The following PDE10A variants were observed in gnomAD, a reference collection of about 807,000 sequenced individuals.
The protein encoded by PDE10A is phosphodiesterase 10A, also known as cAMP and cAMP-inhibited cGMP 3',5'-cyclic phosphodiesterase 10A.
Under a neutral mutation model 97.7 loss-of-function variants are expected in PDE10A, and 39 were observed. The observed-to-expected ratio is 0.40, with a 90% CI of 0.31 to 0.52. The LOEUF (loss-of-function observed/expected upper bound fraction) is 0.52, where lower values mean the gene tolerates loss of function less well. Among genes scored for constraint, PDE10A ranks in the 20% least tolerant of loss-of-function variants. PDE10A has a pLI of 0.56. For synonymous variants in PDE10A, 371 were observed against 376.8 expected (o/e 0.98, Z 0.18); for missense variants, 731 against 1,047.8 (o/e 0.70, Z 4.17).
intron 1 of PDE10A, among the ~76,000 whole-genome samples, chr6:165,725,348 C>G (rs111493088): frequency 0.01 from 1,567 of 152,346 alleles, 27 homozygotes; most frequent in African/African-American, 0.036. Context: ...TAACACACAC[C>G]CACTAGGGCT....
intron 3 of PDE10A, among the ~76,000 whole-genome samples, chr6:165,457,857 G>A (rs1273053861): frequency 1.3e-5 from 2 of 152,190 alleles, no homozygotes; most frequent in Non-Finnish European, 2.9e-5. Flanking sequence ...AAATGAATTA[G>A]TTATGTAAAC....
At chr6:165,494,111 CAAT>C (rs1780384220) in intron 2 of PDE10A, among the ~76,000 whole-genome samples, 2 of 152,124 alleles carry the variant, frequency 1.3e-5, no homozygotes, top group South Asian at 4.1e-4. Context: ...ATCAAAACCA[CAAT>C]GAGATGCCAC....
intron 13 of PDE10A, among the ~76,000 whole-genome samples, chr6:165,402,150 C>A (rs1189973270): frequency 6.6e-6 from 1 of 152,086 alleles, no homozygotes; most frequent in African/African-American, 2.4e-5. Flanking sequence ...AAAACTTCTA[C>A]AAGATAGTTA....
At chr6:165,879,981 TCCATTATGATCCATGAAGC>T (rs1447753049) in intron 1 of PDE10A, among the ~76,000 whole-genome samples, 1 of 151,916 alleles carries the variant, frequency 6.6e-6, no homozygotes, top group East Asian at 1.9e-4. Context: ...CAAACTTGTC[TCCATTATGATCCATGAAGC>T]CCATAAAAAC....
In PDE10A at chr6:165,683,545, C is replaced by G. The variant is rs376428111; in HGVS notation, c.-614-139977G>C. Among the ~76,000 whole-genome samples, 4 of 152,266 alleles carry G rather than the reference C, an allele frequency of 2.6e-5. No homozygotes were observed. In the East Asian group the frequency reaches 5.8e-4, roughly 22 times the overall value. ...ATCTGGGATGTGTTTCATTTGAGAT[C>G]TTGGTGAGGTCATTTTTGTTCCAAA... is the stretch of plus-strand genomic sequence containing the variant. On this transcript the variant is annotated intron_variant, in intron 1 of 19. Transcript: ENST00000366882.
chr6:165,759,634 T>A (rs924036060), intron 1 of PDE10A, among the ~76,000 whole-genome samples: 1 of 152,222 alleles, frequency 6.6e-6, no homozygotes, highest in Non-Finnish European at 1.5e-5. Context: ...AATAACCTCA[T>A]TGGTAGATTT....
At chr6:165,947,799 A>G (rs1432486962) in intron 1 of PDE10A, among the ~76,000 whole-genome samples, 3 of 152,116 alleles carry the variant, frequency 2.0e-5, no homozygotes, top group African/African-American at 7.2e-5. Context: ...GCACAATCGT[A>G]TGGGTTTTTG....
chr6:165,412,595 G>A (rs1276214130), intron 13 of PDE10A, among the ~76,000 whole-genome samples: 2 of 152,116 alleles, frequency 1.3e-5, no homozygotes, highest in East Asian at 1.9e-4. Flanking sequence ...GAGGAGAGAG[G>A]ACGGGTACTC....
At chr6:165,883,552 A>G (rs573407089) in intron 1 of PDE10A, among the ~76,000 whole-genome samples, 1 of 68,276 alleles carries the variant, frequency 1.5e-5, no homozygotes, top group African/African-American at 4.8e-5. Flanking sequence ...AAAAAAAAAA[A>G]ATAAATAAAA....
rs115938088 is a variant in PDE10A, at chr6:165,976,867, C to T, written c.-615+10662G>A. Among the ~76,000 whole-genome samples, 1,496 of 152,284 alleles carry T rather than the reference C, an allele frequency of 9.8e-3. 22 individuals are homozygous for T. Among genetic ancestry groups the T allele is most frequent in the African/African-American group, 0.034 (1,396 of 41,548 alleles). The stretch of plus-strand genomic sequence containing the variant: ...CTCGGGCTGTGCGCCATGCCATCCT[C>T]CTGTCCCCACCTTCCCCACACGCTC... On this transcript the variant is annotated intron_variant, in intron 1 of 19. Transcript: ENST00000366882.
intron 3 of PDE10A, among the ~76,000 whole-genome samples, chr6:165,464,595 AC>A (rs1270142084): frequency 1.3e-5 from 2 of 152,206 alleles, no homozygotes. Flanking sequence ...AATCCTTGTA[AC>A]ATACATCCTA....
intron 1 of PDE10A, among the ~76,000 whole-genome samples, chr6:165,796,806 A>ACCAGCC (rs111547980): frequency 7.2e-5 from 11 of 152,220 alleles, no homozygotes; most frequent in African/African-American, 2.4e-4. Flanking sequence ...AAAGCCTCAC[A>ACCAGCC]CCAGCCCCAG....
rs1204574169 is a variant in PDE10A at position 165,682,336 on chromosome 6, G to A, written c.-614-138768C>T. On this transcript the variant is annotated intron_variant, in intron 1 of 19. Transcript: ENST00000366882. ...TTTGGTAGGGCTGGGGTCTTGCCAT[G>A]TTGCCCTGGTTGGTCTCAAACTCCT... 2.6e-5 allele frequency among the ~76,000 whole-genome samples: 4 copies of A among 152,230 alleles called. No individual in the cohort carries two copies. The East Asian group carries it at 7.7e-4, about 29-fold the overall frequency.
rs578010095 is a variant in PDE10A, at chr6:165,739,599, A to T, written c.-614-196031T>A. Among the ~76,000 whole-genome samples the T allele has an allele frequency of 7.2e-5, 11 of 151,914 alleles. No homozygotes were observed. The South Asian group carries it at 2.3e-3, about 32-fold the overall frequency. The stretch of plus-strand genomic sequence containing the variant: ...GGGCTATGATTTTTTTTTTCATATG[A>T]CCCCAAAATCACAGGCAACAAAACA... On this transcript the variant is annotated intron_variant, in intron 1 of 19. Transcript: ENST00000366882.
chr6:165,952,233 G>A (rs974394441), intron 1 of PDE10A, among the ~76,000 whole-genome samples: 3 of 152,206 alleles, frequency 2.0e-5, no homozygotes, highest in East Asian at 1.9e-4. Flanking sequence ...GCCAGAAACC[G>A]TGCCAGGGAT....
chr6:165,619,689 G>GTAGTCTAGTGTAGTC lies in PDE10A; in HGVS notation c.865+42257_865+42258insGACTACACTAGACTA, dbSNP rs1562635574. Reference sequence around the variant, plus strand: ...CTAGTGTAGTGTAGTCTAGTGTAGTGTAGTGTAGTCCAGTGTAGTGTAGTG... The same window carrying GTAGTCTAGTGTAGTC: ...CTAGTGTAGTGTAGTCTAGTGTAGTGTAGTCTAGTGTAGTCTAGTGTAGTCCAGTGTAGTGTAGTG... On this transcript the variant is annotated intron_variant, in intron 1 of 21. Coordinates refer to ENST00000539869, the MANE Select transcript of PDE10A (RefSeq NM_001385079.1). Among the ~76,000 whole-genome samples, 306 of 89,982 alleles carry GTAGTCTAGTGTAGTC rather than the reference G, an allele frequency of 3.4e-3. 18 individuals are homozygous for GTAGTCTAGTGTAGTC. Among genetic ancestry groups the GTAGTCTAGTGTAGTC allele is most frequent in the African/African-American group, 9.4e-3 (290 of 30,750 alleles). 59.0% of individuals were successfully genotyped at this position (89,982 alleles called of 152,430 possible). A position where few individuals can be genotyped will look rare whatever the true frequency, so the allele number is the denominator to read the frequency against.
At position 165,661,019 on chromosome 6, in the gene PDE10A, CCTCA is replaced by C. The variant is rs1005652004; in HGVS notation, c.865+924_865+927del. ...TCTGCGCACCGGGCGCCTCCTCTTT[CCTCA>C]CTGTCTCCCGCCTGCCTGCTTCCTT... On this transcript the variant is annotated intron_variant, in intron 1 of 21. Coordinates refer to ENST00000539869, the MANE Select transcript of PDE10A (RefSeq NM_001385079.1). This position sits in a 1 kb window ranked among gnomAD's most constrained non-coding sequence, Gnocchi z 4.8. 18 of 153,188 alleles carry C rather than the reference CCTCA, an allele frequency of 1.2e-4. No individual in the cohort carries two copies. Among genetic ancestry groups the C allele is most frequent in the South Asian group, 4.1e-4 (2 of 4,850 alleles). The allele number at this position is 153,188 out of a possible 1,614,324, so 9.5% of individuals were successfully genotyped here. A position where few individuals can be genotyped will look rare whatever the true frequency, so the allele number is the denominator to read the frequency against.
At chr6:165,887,758 C>G (rs1781668246) in intron 1 of PDE10A, among the ~76,000 whole-genome samples, 1 of 152,196 alleles carries the variant, frequency 6.6e-6, no homozygotes, top group Admixed American at 6.5e-5. Context: ...ATTTTACAAG[C>G]CAGCATTAAA....
chr6:165,947,839 A>C (rs905379364), intron 1 of PDE10A, among the ~76,000 whole-genome samples: 1 of 152,208 alleles, frequency 6.6e-6, no homozygotes. Context: ...ACACAGCAAG[A>C]CATCACTTAC....
Sources: allele counts gnomAD v4.1 joint callset (sites outside exome capture counted in the v4.1 genomes callset), GRCh38; gene constraint gnomAD v4.1.1; non-coding constraint Gnocchi (gnomAD v3.1); transcripts MANE v1.5; gene names NCBI Gene and HGNC (gene_info 2026-07-23, HGNC 2026-07-21).